Variants in MGLL observed in about 807,000 individuals in gnomAD.
MGLL encodes monoglyceride lipase, also known as lysophospholipase homolog.
MGLL carries 7 observed loss-of-function variants against 29.1 expected under a neutral mutation model. The observed-to-expected ratio is 0.24, with a 90% CI of 0.14 to 0.45. MGLL has a LOEUF of 0.45. Among genes scored for constraint, MGLL ranks in the 20% least tolerant of loss-of-function variants. MGLL has a pLI of 0.99. For missense variants in MGLL, 356 were observed against 413.6 expected, an observed-to-expected ratio of 0.86 and a Z score of 1.21; for synonymous variants, 148 against 168.3, an observed-to-expected ratio of 0.88 and a Z score of 0.93.
chr3:127,822,534 C>T (rs759993236), upstream of MGLL: 18 of 599,722 alleles, frequency 3.0e-5, no homozygotes, highest in Non-Finnish European at 4.4e-5. Context: ...CCTCCCTCCC[C>T]AGGGCGGGGA....
Position 127,764,170 on chromosome 3 carries a change from A to G in MGLL, c.262+17619T>C, listed in dbSNP as rs1465610615. On this transcript the variant is annotated intron_variant, in intron 3 of 7. Transcript: ENST00000265052. ...TCAGATGCAGGAACCCACCTCTGAC[A>G]TGATAAAGATGGGCCCTGGGAGGGG... is the stretch of plus-strand genomic sequence containing the variant. Among the ~76,000 whole-genome samples the G allele has an allele frequency of 3.2e-4, 49 of 152,130 alleles. 2 individuals are homozygous for G. Among genetic ancestry groups the G allele is most frequent in the Admixed American group, 3.2e-3 (49 of 15,278 alleles).
chr3:127,818,507 C>G (rs142153854), intron 2 of MGLL, among the ~76,000 whole-genome samples: 21 of 152,218 alleles, frequency 1.4e-4, no homozygotes, highest in African/African-American at 3.9e-4. Context: ...CGGAACCCAG[C>G]TGATTTCCCA....
At chr3:127,814,491 C>G (rs988348104) in intron 2 of MGLL, among the ~76,000 whole-genome samples, 1 of 152,184 alleles carries the variant, frequency 6.6e-6, no homozygotes, top group African/African-American at 2.4e-5. Flanking sequence ...TATACAATGA[C>G]CAATAGTTTG....
intron 3 of MGLL, among the ~76,000 whole-genome samples, chr3:127,773,238 G>A (rs543733798): frequency 8.5e-5 from 13 of 152,228 alleles, no homozygotes; most frequent in Non-Finnish European, 1.2e-4. Flanking sequence ...AGGGTCCCCC[G>A]AAGGGGTCAA....
At chr3:127,706,535 T>C (rs937348217) in intron 6 of MGLL, among the ~76,000 whole-genome samples, 1 of 151,788 alleles carries the variant, frequency 6.6e-6, no homozygotes, top group Non-Finnish European at 1.5e-5. Flanking sequence ...CTACAGAGGG[T>C]GGTGCAGGGC....
intron 5 of MGLL, among the ~76,000 whole-genome samples, chr3:127,719,024 C>T (rs1409887595): frequency 6.6e-6 from 1 of 152,156 alleles, no homozygotes; most frequent in African/African-American, 2.4e-5. Context: ...AAGCTGGGCC[C>T]TCAAGTCTGG....
intron 3 of MGLL, among the ~76,000 whole-genome samples, chr3:127,732,409 A>G (rs764637382): frequency 6.6e-6 from 1 of 152,230 alleles, no homozygotes; most frequent in African/African-American, 2.4e-5. Flanking sequence ...GAGGGACTTG[A>G]GTACAGGGTG....
intron 3 of MGLL, among the ~76,000 whole-genome samples, chr3:127,775,276 T>C (rs1475961821): frequency 6.6e-6 from 1 of 152,228 alleles, no homozygotes; most frequent in East Asian, 1.9e-4. Context: ...CACTCCATTA[T>C]TTTAATTCTC....
chr3:127,781,214 G>C (rs1055695925), intron 3 of MGLL, among the ~76,000 whole-genome samples: 12 of 152,182 alleles, frequency 7.9e-5, no homozygotes, highest in African/African-American at 2.9e-4. Flanking sequence ...ACGTGTATGT[G>C]TATAGGTACA....
chr3:127,767,689 A>T (rs1442789120), intron 3 of MGLL, among the ~76,000 whole-genome samples: 1 of 152,262 alleles, frequency 6.6e-6, no homozygotes, highest in East Asian at 1.9e-4. Context: ...TAACTCTAGA[A>T]ACGGAACAGC....
chr3:127,789,084 G>C (rs2077260614), intron 2 of MGLL, among the ~76,000 whole-genome samples: 1 of 152,186 alleles, frequency 6.6e-6, no homozygotes, highest in African/African-American at 2.4e-5. Flanking sequence ...CCACTGGAGA[G>C]GTGGGAACTC....
At chr3:127,775,494 G>A (rs1301344334) in intron 3 of MGLL, among the ~76,000 whole-genome samples, 2 of 151,856 alleles carry the variant, frequency 1.3e-5, no homozygotes, top group African/African-American at 4.8e-5. Context: ...TCTTCTGACT[G>A]GATAGGACCC....
intron 3 of MGLL, among the ~76,000 whole-genome samples, chr3:127,746,684 C>T (rs1220760632): frequency 2.6e-5 from 4 of 152,174 alleles, no homozygotes; most frequent in South Asian, 2.1e-4. Flanking sequence ...TCTCCCTCTG[C>T]GTCCACTCCC....
chr3:127,764,031 C>A (rs1374902478), intron 3 of MGLL, among the ~76,000 whole-genome samples: 2 of 152,208 alleles, frequency 1.3e-5, no homozygotes, highest in African/African-American at 2.4e-5. Flanking sequence ...AGCTTGCATG[C>A]CACTGTCTAA....
intron 6 of MGLL, among the ~76,000 whole-genome samples, chr3:127,705,851 A>G (rs887984689): frequency 6.6e-6 from 1 of 152,106 alleles, no homozygotes; most frequent in Admixed American, 6.6e-5. Context: ...AAAGACACTC[A>G]GCATCACTAA....
intron 2 of MGLL, among the ~76,000 whole-genome samples, chr3:127,789,589 T>C (rs975608735): frequency 1.3e-5 from 2 of 151,870 alleles, no homozygotes; most frequent in African/African-American, 4.8e-5. Flanking sequence ...GTGCAGCTAC[T>C]TGGAAGGCTG....
At chr3:127,799,997 G>A (rs2077448814) in intron 2 of MGLL, among the ~76,000 whole-genome samples, 1 of 152,202 alleles carries the variant, frequency 6.6e-6, no homozygotes, top group Non-Finnish European at 1.5e-5. Context: ...CTGCAGCTAG[G>A]TGTGGCCGTA....
At chr3:127,726,719 C>T (rs775812417) in intron 3 of MGLL, among the ~76,000 whole-genome samples, 51 of 152,248 alleles carry the variant, frequency 3.3e-4, no homozygotes, top group Non-Finnish European at 4.7e-4. Flanking sequence ...TGTGAGCCAC[C>T]GCGCCTGGCC....
At chr3:127,717,182 T>G (rs1268106623) in intron 5 of MGLL, among the ~76,000 whole-genome samples, 1 of 152,160 alleles carries the variant, frequency 6.6e-6, no homozygotes, top group Non-Finnish European at 1.5e-5. Flanking sequence ...GGGTCCAAAT[T>G]CACCTGAAGC....
Sources: allele counts gnomAD v4.1 joint callset (sites outside exome capture counted in the v4.1 genomes callset), GRCh38; gene constraint gnomAD v4.1.1; transcripts MANE v1.5; gene names NCBI Gene and HGNC (gene_info 2026-07-23, HGNC 2026-07-21).